The following CSNK1G3 variants were observed in gnomAD, a reference collection of about 807,000 sequenced individuals.
CSNK1G3 encodes the protein casein kinase 1 gamma 3.
Under a neutral mutation model 64.3 loss-of-function variants are expected in CSNK1G3, and 23 were observed. The ratio of observed to expected loss-of-function variants is 0.36; its 90% CI spans 0.26 to 0.51. The LOEUF is 0.51. CSNK1G3 is among the 20% of genes least tolerant of loss of function. CSNK1G3 has a pLI of 0.96. For synonymous variants in CSNK1G3, 158 were observed against 162.2 expected (o/e 0.97, Z 0.20); for missense variants, 357 against 510.5 (o/e 0.70, Z 2.90).
At chr5:123,597,948 A>G (rs988987830) in intron 10 of CSNK1G3, among the ~76,000 whole-genome samples, 3 of 152,212 alleles carry the variant, frequency 2.0e-5, no homozygotes, top group Non-Finnish European at 4.4e-5. Context: ...AAACTTGAGT[A>G]GTATTTTCAT....
intron 4 of CSNK1G3, among the ~76,000 whole-genome samples, chr5:123,567,599 C>G (rs1279601657): frequency 6.6e-6 from 1 of 151,646 alleles, no homozygotes; most frequent in African/African-American, 2.4e-5. Context: ...GAGTGAGACT[C>G]CATTTTAAAA....
At chr5:123,529,703 G>T (rs1396887304) in intron 1 of CSNK1G3, among the ~76,000 whole-genome samples, 1 of 152,154 alleles carries the variant, frequency 6.6e-6, no homozygotes, top group Non-Finnish European at 1.5e-5. Context: ...GCTCACGGAG[G>T]TTGGTATGGT....
chr5:123,513,559 G>T (rs541237067), intron 1 of CSNK1G3, among the ~76,000 whole-genome samples: 1 of 152,156 alleles, frequency 6.6e-6, no homozygotes, highest in African/African-American at 2.4e-5. Context: ...TTAAATTAGA[G>T]AATTAAAAAT....
intron 6 of CSNK1G3, among the ~76,000 whole-genome samples, chr5:123,577,674 G>C (rs1163210923): frequency 6.6e-6 from 1 of 151,556 alleles, no homozygotes; most frequent in Non-Finnish European, 1.5e-5. Context: ...TATATAGCAA[G>C]TCTAATAGAA....
chr5:123,549,837 T>G (rs1227372892), intron 2 of CSNK1G3, among the ~76,000 whole-genome samples: 1 of 152,252 alleles, frequency 6.6e-6, no homozygotes, highest in Non-Finnish European at 1.5e-5. Context: ...AAGAGAATAT[T>G]ATGTATTGTT....
intron 6 of CSNK1G3, among the ~76,000 whole-genome samples, chr5:123,587,747 C>T (rs971703004): frequency 2.6e-5 from 4 of 152,142 alleles, no homozygotes; most frequent in Non-Finnish European, 5.9e-5. Context: ...TAAGACAGAG[C>T]TGTAGTATAC....
At chr5:123,595,597 C>T (rs1322175740) in intron 10 of CSNK1G3, among the ~76,000 whole-genome samples, 1 of 152,044 alleles carries the variant, frequency 6.6e-6, no homozygotes, top group Non-Finnish European at 1.5e-5. Flanking sequence ...TTCAAACGAA[C>T]ATGACCCTAA....
chr5:123,562,544 C>T lies in CSNK1G3; in HGVS notation c.289+4980C>T, dbSNP rs1285654292. Among the ~76,000 whole-genome samples the T allele has an allele frequency of 3.3e-5, 5 of 152,034 alleles. 1 individual carries two copies. Among genetic ancestry groups the T allele is most frequent in the Admixed American group, 6.6e-5 (1 of 15,254 alleles). On this transcript the variant is annotated intron_variant, in intron 4 of 12. Transcript: ENST00000345990. ...TCTTCAAATTTCCTATATTTTCTAA[C>T]TTCTGTGACCCTGTGATTAAAGTTT...
chr5:123,570,832 CAG>C lies in CSNK1G3; in HGVS notation c.290-2556_290-2555del, dbSNP rs139559431. On this transcript the variant is annotated intron_variant, in intron 4 of 12. Coordinates refer to ENST00000345990, the Ensembl canonical transcript of CSNK1G3. ...GATGTAAATTAACAACTTTCAGTGGCAGAGAGGGGGAAAAAGCATTATGGAAA... is the reference window on the plus strand; with the variant it reads ...GATGTAAATTAACAACTTTCAGTGGCAGAGGGGGAAAAAGCATTATGGAAA... Among the ~76,000 whole-genome samples the C allele has an allele frequency of 3.4e-4, 51 of 152,176 alleles. No individual in the cohort carries two copies. In the East Asian group the frequency reaches 3.5e-3, roughly 10 times the overall value.
At chr5:123,587,623 A>G (rs1008294168) in intron 6 of CSNK1G3, among the ~76,000 whole-genome samples, 1 of 152,196 alleles carries the variant, frequency 6.6e-6, no homozygotes, top group Non-Finnish European at 1.5e-5. Context: ...AATGGAGAGT[A>G]TTTATCATGG....
intron 12 of CSNK1G3, among the ~76,000 whole-genome samples, chr5:123,613,739 A>C (rs1189597312): frequency 6.6e-6 from 1 of 152,170 alleles, no homozygotes; most frequent in Non-Finnish European, 1.5e-5. Context: ...TTTGACTTGT[A>C]AAATGGAATC....
At chr5:123,520,747 G>A (rs1358213075) in intron 1 of CSNK1G3, among the ~76,000 whole-genome samples, 13 of 151,852 alleles carry the variant, frequency 8.6e-5, no homozygotes, top group Admixed American at 8.5e-4. Context: ...TGAAATTATT[G>A]TGTTATTTAT....
intron 7 of CSNK1G3, 57 bp from the exon 8 acceptor site, chr5:123,588,370 C>T: frequency 7.3e-7 from 1 of 1,361,844 alleles, no homozygotes; most frequent in Non-Finnish European, 1.1e-6. Context: ...CGTGTGCAGT[C>T]CCAGCTAAAT....
chr5:123,519,382 CTACTT>C (rs1383763608), intron 1 of CSNK1G3, among the ~76,000 whole-genome samples: 6 of 152,316 alleles, frequency 3.9e-5, no homozygotes, highest in African/African-American at 9.6e-5. Context: ...GCTAAAAACA[CTACTT>C]TATTTTTTCA....
chr5:123,604,135 T>C (rs1467524607), intron 10 of CSNK1G3, among the ~76,000 whole-genome samples: 2 of 151,968 alleles, frequency 1.3e-5, no homozygotes, highest in Non-Finnish European at 2.9e-5. Flanking sequence ...AGATATGGGA[T>C]ATGTTTGGAG....
intron 10 of CSNK1G3, among the ~76,000 whole-genome samples, chr5:123,599,289 T>C (rs1794013766): frequency 6.6e-6 from 1 of 152,176 alleles, no homozygotes; most frequent in Admixed American, 6.5e-5. Flanking sequence ...AGTTGTACAG[T>C]CTTTGGTTTG....
chr5:123,604,874 A>T, intron 11 of CSNK1G3, 44 bp downstream of exon 12: 1 of 1,392,882 alleles, frequency 7.2e-7, no homozygotes, highest in Non-Finnish European at 1.0e-6. Flanking sequence ...TTGTTCTTAA[A>T]TTATGCATGC....
chr5:123,530,794 A>C lies in CSNK1G3; in HGVS notation c.-247-14623A>C, dbSNP rs186768155. On this transcript the variant is annotated intron_variant, in intron 1 of 12. Transcript: ENST00000345990. Reference sequence around the variant, plus strand: ...TACTAAATCTTTCTGGGATAAAAAAAGTTTCTGTAGTATGTAATTTTAGAA... The same window carrying C: ...TACTAAATCTTTCTGGGATAAAAAACGTTTCTGTAGTATGTAATTTTAGAA... 1.7e-4 allele frequency among the ~76,000 whole-genome samples: 26 copies of C among 152,348 alleles called. No homozygotes were observed. In the East Asian group the frequency reaches 4.6e-3, roughly 27 times the overall value.
chr5:123,588,235 T>C lies in CSNK1G3; in HGVS notation c.759+82T>C, dbSNP rs889594791. ...CTGTCTTCCAACTAAACAGTTTTCA[T>C]ATTTTAAAATTTTATTTTGTAAGTA... is the stretch of plus-strand genomic sequence containing the variant. On this transcript the variant is annotated intron_variant, in intron 7 of 12. Coordinates refer to ENST00000345990, the Ensembl canonical transcript of CSNK1G3. The C allele has an allele frequency of 4.1e-6, 5 of 1,206,990 alleles. No individual in the cohort carries two copies. The African/African-American group carries it at 6.2e-5, about 15-fold the overall frequency. The allele number at this position is 1,206,990 out of a possible 1,614,324, so 74.8% of individuals were successfully genotyped here. A position where few individuals can be genotyped will look rare whatever the true frequency, so the allele number is the denominator to read the frequency against.
Sources: gnomAD v4.1 joint callset for allele counts (sites outside exome capture counted in the v4.1 genomes callset) on GRCh38, gnomAD v4.1.1 for gene constraint, MANE v1.5 for transcripts, NCBI Gene and HGNC (gene_info 2026-07-23, HGNC 2026-07-21) for gene names.